The following TMEM38B variants were observed in gnomAD, a reference collection of about 807,000 sequenced individuals.
The protein encoded by TMEM38B is trimeric intracellular cation channel type B.
TMEM38B carries 24 observed loss-of-function variants against 28.7 expected under a neutral mutation model. The ratio of observed to expected loss-of-function variants is 0.84; its 90% confidence interval spans 0.61 to 1.18. TMEM38B has a LOEUF of 1.18. TMEM38B is among the 50% of genes most tolerant of loss of function. The probability of loss-of-function intolerance (pLI) is 0.00; values close to 1 mark genes in which losing one functional copy is unlikely to be tolerated. For synonymous variants in TMEM38B, 131 were observed against 127.7 expected (o/e 1.03, Z -0.17); for missense variants, 380 against 350.9 (o/e 1.08, Z -0.66).
At chr9:105,738,230 C>T (rs879708572) in intron 4 of TMEM38B, among the ~76,000 whole-genome samples, 2 of 151,798 alleles carry the variant, frequency 1.3e-5, no homozygotes, top group Admixed American at 6.6e-5. Flanking sequence ...TGCAGAAGTC[C>T]ACAGTGGTGA....
At chr9:105,760,518 A>G in intron 5 of TMEM38B, 1 of 743,604 alleles carries the variant, frequency 1.3e-6, no homozygotes, top group Non-Finnish European at 2.4e-6. Flanking sequence ...AAAAGCAAAA[A>G]GTTTCTACCT....
At chr9:105,758,509 GT>G in intron 5 of TMEM38B, 2 of 1,281,732 alleles carry the variant, frequency 1.6e-6, no homozygotes, top group Non-Finnish European at 2.3e-6. Flanking sequence ...AATAATAACA[GT>G]TTTGGTCCTA....
intron 5 of TMEM38B, among the ~76,000 whole-genome samples, chr9:105,754,661 C>A (rs992327058): frequency 4.6e-5 from 7 of 152,024 alleles, no homozygotes; most frequent in African/African-American, 1.4e-4. Context: ...CACTAAATGC[C>A]CACATAAAAA....
At chr9:105,713,210 G>A (rs1357356243) in intron 2 of TMEM38B, among the ~76,000 whole-genome samples, 1 of 152,136 alleles carries the variant, frequency 6.6e-6, no homozygotes, top group Admixed American at 6.5e-5. Flanking sequence ...TTCAAGTAGT[G>A]GCTGCAATCC....
At chr9:105,740,944 C>A (rs1475284806) in intron 4 of TMEM38B, among the ~76,000 whole-genome samples, 2 of 151,598 alleles carry the variant, frequency 1.3e-5, no homozygotes, top group East Asian at 3.9e-4. Context: ...TGGTGTTTAA[C>A]CTCTGGAACC....
At chr9:105,720,625 A>G (rs1179080725) in intron 2 of TMEM38B, among the ~76,000 whole-genome samples, 1 of 152,146 alleles carries the variant, frequency 6.6e-6, no homozygotes, top group Non-Finnish European at 1.5e-5. Flanking sequence ...ATATTTCATG[A>G]ACATTGAAGA....
intron 1 of TMEM38B, chr9:105,701,604 A>G (rs1309072931): frequency 2.6e-5 from 4 of 152,208 alleles, no homozygotes; most frequent in Admixed American, 6.5e-5. Context: ...ATTCATAGCT[A>G]TTCTCCAAGA....
chr9:105,730,987 T>C (rs1005169754), intron 4 of TMEM38B, among the ~76,000 whole-genome samples: 1 of 152,168 alleles, frequency 6.6e-6, no homozygotes, highest in Non-Finnish European at 1.5e-5. Flanking sequence ...TAGCCATCTA[T>C]CTATTTTGTT....
intron 5 of TMEM38B, among the ~76,000 whole-genome samples, chr9:105,765,983 A>G (rs920450350): frequency 1.3e-5 from 2 of 151,986 alleles, no homozygotes; most frequent in Admixed American, 1.3e-4. Flanking sequence ...TCATATTTTT[A>G]GTAGAGACGG....
At chr9:105,719,147 A>G (rs17196371) in intron 2 of TMEM38B, among the ~76,000 whole-genome samples, 10,493 of 151,708 alleles carry the variant, frequency 0.069, 527 homozygotes, top group Non-Finnish European at 0.11. Flanking sequence ...CCTAAATTCT[A>G]CTCTCACTTT....
rs760185455 is a variant in TMEM38B at position 105,774,067 on chromosome 9, A to G, written c.863A>G (p.Lys288Arg). Residue 288 changes from lysine (K) to arginine (R), a missense_variant, in exon 6 of 6, where the codon AAG (lysine) becomes AGG (arginine). Coordinates refer to ENST00000374692, the MANE Select transcript of TMEM38B (RefSeq NM_018112.3). ...GATAATGTTAAAAAGAAACATACTA[A>G]GAAGAATGAATAAATTTACGTGATG... ...ASDNVKKKHT[K>R]KNE The G allele has an allele frequency of 4.3e-6, 7 of 1,613,376 alleles. No individual in the cohort carries two copies. In the East Asian group the frequency reaches 6.7e-5, roughly 15 times the overall value.
At position 105,740,561 on chromosome 9, in the gene TMEM38B, C is replaced by T. The variant is rs148431093; in HGVS notation, c.543-7512C>T. On this transcript the variant is annotated intron_variant, in intron 4 of 5. Transcript: ENST00000374692. ...AATTACAAGCGTGAGCCACCACGCCCGGCCCCTAGGTATTCTTTAAATGCT... is the reference window on the plus strand; with the variant it reads ...AATTACAAGCGTGAGCCACCACGCCTGGCCCCTAGGTATTCTTTAAATGCT... 4.1e-3 allele frequency among the ~76,000 whole-genome samples: 628 copies of T among 152,204 alleles called. 15 individuals carry two copies. Among genetic ancestry groups the T allele is most frequent in the Non-Finnish European group, 1.7e-3 (113 of 68,014 alleles).
chr9:105,723,946 C>T (rs1424393780), intron 4 of TMEM38B, among the ~76,000 whole-genome samples: 2 of 152,166 alleles, frequency 1.3e-5, no homozygotes, highest in Non-Finnish European at 2.9e-5. Context: ...AGCAGTTCTC[C>T]TGCCTCAGCC....
intron 5 of TMEM38B, among the ~76,000 whole-genome samples, chr9:105,762,954 G>C (rs200883189): frequency 0.11 from 13,821 of 121,458 alleles, 896 homozygotes; most frequent in African/African-American, 0.3. Context: ...GCCATTCTAA[G>C]TGGTGTGAGA....
At chr9:105,764,195 C>T (rs1477735140) in intron 5 of TMEM38B, among the ~76,000 whole-genome samples, 2 of 151,850 alleles carry the variant, frequency 1.3e-5, no homozygotes, top group Non-Finnish European at 2.9e-5. Flanking sequence ...CCTCTCTCAC[C>T]ACTCCTATTC....
chr9:105,706,634 C>T (rs184651803), intron 2 of TMEM38B, among the ~76,000 whole-genome samples: 5 of 152,054 alleles, frequency 3.3e-5, no homozygotes, highest in East Asian at 1.9e-4. Flanking sequence ...TGTAAAACAC[C>T]GTTATGCTTA....
chr9:105,752,001 C>T (rs561202963), intron 5 of TMEM38B, among the ~76,000 whole-genome samples: 97 of 152,100 alleles, frequency 6.4e-4, no homozygotes, highest in African/African-American at 2.0e-3. Context: ...AGTCTGCTGG[C>T]TTTGGAGAAT....
chr9:105,747,441 A>G (rs551033054), intron 4 of TMEM38B, among the ~76,000 whole-genome samples: 1 of 151,752 alleles, frequency 6.6e-6, no homozygotes, highest in Admixed American at 6.6e-5. Flanking sequence ...ATCATTTTTT[A>G]TTGCGTCTAT....
At chr9:105,735,979 C>T (rs750965343) in intron 4 of TMEM38B, among the ~76,000 whole-genome samples, 1 of 152,112 alleles carries the variant, frequency 6.6e-6, no homozygotes, top group Admixed American at 6.6e-5. Context: ...TGATCTTCCC[C>T]TCCTCAGCCT....
Sources: gnomAD v4.1 joint callset for allele counts (sites outside exome capture counted in the v4.1 genomes callset) on GRCh38, gnomAD v4.1.1 for gene constraint, MANE v1.5 for transcripts, NCBI Gene and HGNC (gene_info 2026-07-23, HGNC 2026-07-21) for gene names.